HMCN1: variants seen among roughly 807,000 people sequenced by gnomAD.
HMCN1 encodes hemicentin 1.
HMCN1 carries 321 observed loss-of-function variants against 625.9 expected under a neutral mutation model. The observed-to-expected ratio is 0.51, with a 90% CI of 0.47 to 0.56. The LOEUF is 0.56. Among genes scored for constraint, HMCN1 ranks in the 20% least tolerant of loss-of-function variants. The probability of loss-of-function intolerance (pLI) is 0.00; values close to 1 mark genes in which losing one functional copy is unlikely to be tolerated. For missense variants in HMCN1, 6,588 were observed against 6,887.3 expected (o/e 0.96, Z 1.54); for synonymous variants, 2,425 against 2,417.6 (o/e 1.00, Z -0.09).
chr1:185,828,974 G>A (rs774281913), intron 1 of HMCN1, among the ~76,000 whole-genome samples: 3 of 152,012 alleles, frequency 2.0e-5, no homozygotes, highest in African/African-American at 4.8e-5. Flanking sequence ...AGCAGAAATA[G>A]ATGAATTAGA....
chr1:185,911,829 A>G, intron 6 of HMCN1, 49 bp downstream of exon 6: 1 of 1,361,554 alleles, frequency 7.3e-7, no homozygotes, highest in Non-Finnish European at 1.1e-6. Flanking sequence ...TGAAGTTGGC[A>G]TTTTTCATGA....
chr1:185,745,282 G>A (rs1044363378), intron 1 of HMCN1, among the ~76,000 whole-genome samples: 1 of 152,156 alleles, frequency 6.6e-6, no homozygotes, highest in Admixed American at 6.5e-5. Flanking sequence ...GTACAGCCAA[G>A]TTCTAACTAG....
At chr1:185,810,372 G>A (rs1659436397) in intron 1 of HMCN1, among the ~76,000 whole-genome samples, 1 of 152,068 alleles carries the variant, frequency 6.6e-6, no homozygotes, top group Non-Finnish European at 1.5e-5. Flanking sequence ...AATATTTTAA[G>A]TTTAAAAGGA....
In HMCN1 at chr1:186,055,412, C is replaced by T; in HGVS notation, c.6882C>T (p.Asn2294=). 1 of 1,612,550 alleles carries T rather than the reference C, an allele frequency of 6.2e-7. No homozygotes were observed. The highest frequency in any genetic ancestry group is 8.5e-7 in the Non-Finnish European group (1 of 1,179,020). The part of the protein sequence containing the change: ...LQVYIRPTIT[N]SGSHPTEIIV... ...CCTCAGTTAGACCAACCATAACCAA[C>T]AGTGGCAGCCACCCTACTGAAATTA... Residue 2294 remains asparagine (N), a synonymous_variant, in exon 45 of 107, where the codon AAC becomes AAT. Transcript: ENST00000271588.
At chr1:185,941,113 C>T (rs1003924865) in intron 11 of HMCN1, among the ~76,000 whole-genome samples, 4 of 152,118 alleles carry the variant, frequency 2.6e-5, no homozygotes, top group African/African-American at 4.8e-5. Context: ...CCTCGGCCTC[C>T]CAAAGTGCTG....
rs77588202 is a variant in HMCN1, at chr1:185,994,316, G to A, written c.3506-499G>A. Among the ~76,000 whole-genome samples the A allele has an allele frequency of 2.2e-3, 336 of 152,000 alleles. 2 individuals are homozygous for A. The highest frequency in any genetic ancestry group is 7.8e-3 in the African/African-American group (324 of 41,480). On this transcript the variant is annotated intron_variant, in intron 23 of 106. Coordinates refer to ENST00000271588, the MANE Select transcript of HMCN1 (RefSeq NM_031935.3). ...AAAGGAAGAGATAGAGGCTCTTTGT[G>A]GTTTTCTCATCTGAAATTAGCAAAA... is the stretch of plus-strand genomic sequence containing the variant.
chr1:185,967,297 A>T (rs1650477303), intron 14 of HMCN1, among the ~76,000 whole-genome samples: 1 of 152,154 alleles, frequency 6.6e-6, no homozygotes, highest in Admixed American at 6.6e-5. Flanking sequence ...ATTAGTCTTC[A>T]TGCCCATCTT....
chr1:185,869,837 C>A (rs145282582), intron 4 of HMCN1, among the ~76,000 whole-genome samples: 547 of 152,180 alleles, frequency 3.6e-3, no homozygotes, highest in African/African-American at 0.012. Flanking sequence ...GACATAAGAA[C>A]TTCAAGGAAG....
intron 1 of HMCN1, among the ~76,000 whole-genome samples, chr1:185,804,821 C>T (rs879890650): frequency 3.3e-5 from 5 of 152,012 alleles, no homozygotes; most frequent in Non-Finnish European, 4.4e-5. Flanking sequence ...CTTCCTAAAT[C>T]CCTGCTCTTT....
chr1:185,853,756 C>G (rs1662302284), intron 2 of HMCN1, among the ~76,000 whole-genome samples: 1 of 152,112 alleles, frequency 6.6e-6, no homozygotes, highest in Non-Finnish European at 1.5e-5. Context: ...ATATTGAAGG[C>G]TATTTTGACT....
intron 36 of HMCN1, among the ~76,000 whole-genome samples, chr1:186,024,343 C>G (rs1654920427): frequency 6.6e-6 from 1 of 152,168 alleles, no homozygotes; most frequent in Admixed American, 6.5e-5. Context: ...TTACAGCTGT[C>G]TCCAGCATCT....
At chr1:186,020,447 T>C (rs1654649510) in intron 35 of HMCN1, among the ~76,000 whole-genome samples, 1 of 152,068 alleles carries the variant, frequency 6.6e-6, no homozygotes, top group Non-Finnish European at 1.5e-5. Context: ...TAATTTTTAA[T>C]TCCTATTCCA....
At chr1:186,048,946 A>G in intron 42 of HMCN1, 107 bp downstream of exon 42, 1 of 721,656 alleles carries the variant, frequency 1.4e-6, no homozygotes. Context: ...AGGTAGATGA[A>G]CAACAATTAG....
intron 4 of HMCN1, among the ~76,000 whole-genome samples, chr1:185,898,471 T>A (rs935360388): frequency 1.9e-4 from 26 of 133,554 alleles, no homozygotes; most frequent in Non-Finnish European, 2.4e-4. Flanking sequence ...GTAAGCAGAC[T>A]TTTTTTTTAA....
In HMCN1 at chr1:185,735,067, T is replaced by C. The variant is rs1189223745; in HGVS notation, c.268+20T>C. The stretch of plus-strand genomic sequence containing the variant: ...ATCCAGGTAAGGGAAATATTTATAC[T>C]TTGTCTTTGCTATGTCTCATGATTA... On this transcript the variant is annotated intron_variant, in intron 1 of 106. Coordinates refer to ENST00000271588, the MANE Select transcript of HMCN1 (RefSeq NM_031935.3). 1 of 1,611,872 alleles carries C rather than the reference T, an allele frequency of 6.2e-7. No homozygotes were observed.
Position 185,899,094 on chromosome 1 carries a change from G to A in HMCN1, c.622-10243G>A, listed in dbSNP as rs186712047. The stretch of plus-strand genomic sequence containing the variant: ...GTTTACAGAGTTACAAATTGAGGGG[G>A]AATTTTGCAGAAGTAAGATATTTAA... On this transcript the variant is annotated intron_variant, in intron 4 of 106. Transcript: ENST00000271588. 7.6e-4 allele frequency among the ~76,000 whole-genome samples: 115 copies of A among 152,182 alleles called. 1 individual carries two copies. Among genetic ancestry groups the A allele is most frequent in the South Asian group, 4.1e-4 (2 of 4,820 alleles).
rs769279279 is a variant in HMCN1, at chr1:186,182,122, G to C, written c.16295-46G>C. 4 of 1,609,720 alleles carry C rather than the reference G, an allele frequency of 2.5e-6. No homozygotes were observed. The East Asian group carries it at 8.9e-5, about 36-fold the overall frequency. ...GAGAGTTGGCTCTGTCACAGTGTCT[G>C]CTTTTTTCTTGTGTAGTGATAACTC... On this transcript the variant is annotated intron_variant, in intron 104 of 106. Coordinates refer to ENST00000271588, the MANE Select transcript of HMCN1 (RefSeq NM_031935.3).
At chr1:185,989,040 C>T (rs1352477475) in intron 20 of HMCN1, among the ~76,000 whole-genome samples, 1 of 140,230 alleles carries the variant, frequency 7.1e-6, no homozygotes. Context: ...TGGAGTCTCG[C>T]TCTGTCACAC....
chr1:186,062,877 G>T (rs1453101877), intron 48 of HMCN1, among the ~76,000 whole-genome samples: 4 of 150,852 alleles, frequency 2.7e-5, no homozygotes, highest in Non-Finnish European at 5.9e-5. Context: ...ATGTCCATTT[G>T]TACACATTAC....
Sources: gnomAD v4.1 joint callset for allele counts (sites outside exome capture counted in the v4.1 genomes callset) on GRCh38, gnomAD v4.1.1 for gene constraint, MANE v1.5 for transcripts, NCBI Gene and HGNC (gene_info 2026-07-23, HGNC 2026-07-21) for gene names.